The following INTS4 variants were observed in gnomAD, a reference collection of about 807,000 sequenced individuals.
The protein encoded by INTS4 is MSTP093.
Under a neutral mutation model 119.5 loss-of-function variants are expected in INTS4, and 70 were observed. The observed-to-expected ratio is 0.59, with a 90% CI of 0.48 to 0.71. The LOEUF (loss-of-function observed/expected upper bound fraction) is 0.71, where lower values mean the gene tolerates loss of function less well. Among genes scored for constraint, INTS4 ranks in the 30% least tolerant of loss-of-function variants. The probability of loss-of-function intolerance (pLI) is 0.00; values close to 1 mark genes in which losing one functional copy is unlikely to be tolerated. For synonymous variants in INTS4, 316 were observed against 419.6 expected, an observed-to-expected ratio of 0.75 and a Z score of 3.02; for missense variants, 867 against 1,173.2, an observed-to-expected ratio of 0.74 and a Z score of 3.81.
At chr11:77,972,990 G>A (rs760359206) in intron 4 of INTS4, among the ~76,000 whole-genome samples, 3 of 151,618 alleles carry the variant, frequency 2.0e-5, no homozygotes, top group South Asian at 2.1e-4. Flanking sequence ...ACAGGCAAGT[G>A]CCACCATACC....
intron 4 of INTS4, among the ~76,000 whole-genome samples, chr11:77,974,530 T>C (rs140396273): frequency 0.011 from 1,651 of 150,422 alleles, 32 homozygotes; most frequent in African/African-American, 0.037. Context: ...TGTGAGCCAC[T>C]GCACCCAGCC....
At chr11:77,913,190 C>A (rs1279856199) in intron 15 of INTS4, among the ~76,000 whole-genome samples, 1 of 152,094 alleles carries the variant, frequency 6.6e-6, no homozygotes, top group African/African-American at 2.4e-5. Flanking sequence ...CCTTAAAAGA[C>A]AATCCCCTTC....
chr11:77,919,078 A>G, intron 14 of INTS4, 100 bp from the exon 15 acceptor site: 1 of 1,241,968 alleles, frequency 8.1e-7, no homozygotes, highest in South Asian at 1.3e-5. Context: ...TGAGCTAAAC[A>G]AAACAAAGGG....
chr11:77,948,781 C>A (rs1354723409), intron 8 of INTS4, among the ~76,000 whole-genome samples: 2 of 140,552 alleles, frequency 1.4e-5, no homozygotes, highest in Non-Finnish European at 3.1e-5. Context: ...GACACCCTGT[C>A]TCAAAGAAAG....
intron 2 of INTS4, chr11:77,987,535 T>G (rs933049870): frequency 5.1e-6 from 2 of 390,340 alleles, no homozygotes; most frequent in Non-Finnish European, 1.0e-5. Flanking sequence ...TAACGGAAAA[T>G]AGATCACTGA....
chr11:77,931,502 A>G (rs1414835259), intron 10 of INTS4, among the ~76,000 whole-genome samples: 2 of 152,208 alleles, frequency 1.3e-5, no homozygotes, highest in Non-Finnish European at 2.9e-5. Flanking sequence ...CGAAGGATAA[A>G]TCCTTGAGGA....
At chr11:77,981,242 C>G (rs1856205142) in intron 3 of INTS4, among the ~76,000 whole-genome samples, 1 of 142,796 alleles carries the variant, frequency 7.0e-6, no homozygotes, top group Non-Finnish European at 1.5e-5. Flanking sequence ...ATGTAAACTA[C>G]CTCAAATATA....
chr11:77,888,332 C>T (rs1173869311), intron 21 of INTS4, among the ~76,000 whole-genome samples: 2 of 152,138 alleles, frequency 1.3e-5, no homozygotes, highest in Non-Finnish European at 2.9e-5. Flanking sequence ...GAAAGGATTC[C>T]CTATTTAATA....
In INTS4 at chr11:77,878,811, T is replaced by C. The variant is rs1010554176; in HGVS notation, c.*138A>G. The C allele has an allele frequency of 1.2e-5, 9 of 761,954 alleles. No individual in the cohort carries two copies. The African/African-American group carries it at 1.6e-4, about 13-fold the overall frequency. The allele number at this position is 761,954 out of a possible 1,614,324, so 47.2% of individuals were successfully genotyped here. ...TAATGAAGAAACAATTTATCCTGTG[T>C]TTGATACCAGATGAGACTGTAAGGG... On this transcript the variant is annotated 3_prime_UTR_variant, in exon 23 of 23. Transcript: ENST00000534064.
chr11:77,939,671 C>A (rs1953882376), intron 9 of INTS4, among the ~76,000 whole-genome samples: 1 of 151,584 alleles, frequency 6.6e-6, no homozygotes, highest in African/African-American at 2.4e-5. Context: ...CTCATTAAAC[C>A]CCATCTCTAA....
chr11:77,951,607 G>A (rs944213430), intron 8 of INTS4, among the ~76,000 whole-genome samples: 16 of 152,122 alleles, frequency 1.1e-4, no homozygotes, highest in Admixed American at 1.0e-3. Flanking sequence ...GCATGGGCAA[G>A]GACTTCATGT....
intron 15 of INTS4, among the ~76,000 whole-genome samples, chr11:77,908,104 A>G (rs1270373453): frequency 6.6e-6 from 1 of 152,222 alleles, no homozygotes; most frequent in African/African-American, 2.4e-5. Flanking sequence ...GAAATATTCA[A>G]CAGAAATGAA....
At chr11:77,877,457 T>G (rs1414188257), downstream of INTS4, among the ~76,000 whole-genome samples, 3 of 152,232 alleles carry the variant, frequency 2.0e-5, no homozygotes, top group Non-Finnish European at 4.4e-5. Flanking sequence ...TGTTATTTAA[T>G]CCATCCTACT....
intron 4 of INTS4, among the ~76,000 whole-genome samples, chr11:77,968,943 T>G (rs1484722398): frequency 1.3e-5 from 2 of 152,174 alleles, no homozygotes; most frequent in Non-Finnish European, 2.9e-5. Flanking sequence ...ATAATTTTTT[T>G]CTTATATTTA....
Position 77,932,240 on chromosome 11 carries a change from C to CAA in INTS4, c.1166-3695_1166-3694dup, listed in dbSNP as rs530169988. ...TCTACAAGGAACTTAAACAAATTTC[C>CAA]AAAAAACAAAACAAAACAAAACAAA... is the stretch of plus-strand genomic sequence containing the variant. On this transcript the variant is annotated intron_variant, in intron 10 of 22. Transcript: ENST00000534064. 4.6e-3 allele frequency among the ~76,000 whole-genome samples: 697 copies of CAA among 151,890 alleles called. 4 individuals are homozygous for CAA. The highest frequency in any genetic ancestry group is 0.016 in the African/African-American group (665 of 41,438).
chr11:77,919,309 T>TC (rs397708377), intron 14 of INTS4, among the ~76,000 whole-genome samples: 4 of 151,658 alleles, frequency 2.6e-5, no homozygotes, highest in Admixed American at 1.3e-4. Flanking sequence ...TTTTTTTTTT[T>TC]AGACAGAGTT....
chr11:77,978,495 T>C (rs1156648657), intron 4 of INTS4: 3 of 152,162 alleles, frequency 2.0e-5, no homozygotes, highest in African/African-American at 4.8e-5. Context: ...TATTTAAAAA[T>C]CAGAAAAAAA....
At chr11:77,930,722 G>A (rs1312470818) in intron 10 of INTS4, among the ~76,000 whole-genome samples, 2 of 152,178 alleles carry the variant, frequency 1.3e-5, no homozygotes, top group African/African-American at 4.8e-5. Flanking sequence ...TGTCACGCCT[G>A]TAATCCCAGC....
At chr11:77,942,022 C>T (rs1250145562) in intron 8 of INTS4, among the ~76,000 whole-genome samples, 3 of 152,222 alleles carry the variant, frequency 2.0e-5, no homozygotes, top group Non-Finnish European at 2.9e-5. Context: ...CAACTACTCT[C>T]CACTCCTTTT....
Sources: gnomAD v4.1 joint callset for allele counts (sites outside exome capture counted in the v4.1 genomes callset) on GRCh38, gnomAD v4.1.1 for gene constraint, MANE v1.5 for transcripts, NCBI Gene and HGNC (gene_info 2026-07-23, HGNC 2026-07-21) for gene names.